ZCWPW1: variants seen among roughly 807,000 people sequenced by gnomAD.
ZCWPW1 encodes the protein zinc finger CW-type PWWP domain protein 1.
A neutral mutation model predicts 81.3 loss-of-function variants in ZCWPW1; 56 were observed. The observed-to-expected ratio is 0.69, with a 90% confidence interval of 0.56 to 0.86. The LOEUF is 0.86. ZCWPW1 is among the 40% of genes least tolerant of loss of function. The pLI is 0.00. For synonymous variants in ZCWPW1, 250 were observed against 273.7 expected, an observed-to-expected ratio of 0.91 and a Z score of 0.86; for missense variants, 650 against 769.8, an observed-to-expected ratio of 0.84 and a Z score of 1.84.
rs751615182 is a variant in ZCWPW1, at chr7:100,401,016, A to C, written c.1948T>G (p.Ter650GluextTer21). 6.2e-7 allele frequency: 1 copy of C among 1,603,836 alleles called. No individual in the cohort carries two copies. Among genetic ancestry groups the C allele is most frequent in the African/African-American group, 1.3e-5 (1 of 74,822 alleles). The change falls in exon 18 of 18, where the codon TAG (stop) becomes GAG (glutamate). Residue 650 changes from the stop codon to glutamate (E), a stop_lost. Transcript: ENST00000684423. ...AAGAGGGAGCAGAGGAGCACCAGCT[A>C]CTTCCCAAACAGCGCCACGGGGAAG... is the stretch of plus-strand genomic sequence containing the variant. ...EDFPVALFGK* is the reference protein window; with the variant it reads ...EDFPVALFGKE
At chr7:100,423,954 C>T (rs1306734840) in intron 2 of ZCWPW1, among the ~76,000 whole-genome samples, 1 of 151,670 alleles carries the variant, frequency 6.6e-6, no homozygotes, top group Non-Finnish European at 1.5e-5. Context: ...CCTGTAATCC[C>T]AGCTACTCAG....
intron 10 of ZCWPW1, 146 bp downstream of exon 10, chr7:100,408,393 G>T: frequency 1.7e-6 from 2 of 1,165,436 alleles, no homozygotes; most frequent in South Asian, 1.5e-5. Context: ...CTCCAGGCTT[G>T]GTACTTTATC....
intron 5 of ZCWPW1, 89 bp from the exon 6 acceptor site, chr7:100,417,272 C>A: frequency 1.0e-6 from 1 of 970,526 alleles, no homozygotes; most frequent in East Asian, 2.6e-5. Flanking sequence ...AGTGTCTTCT[C>A]CCTGTAGCCT....
At chr7:100,405,321 G>A (rs1218540556) in intron 12 of ZCWPW1, among the ~76,000 whole-genome samples, 2 of 151,934 alleles carry the variant, frequency 1.3e-5, no homozygotes, top group African/African-American at 2.4e-5. Flanking sequence ...CCAGCTCCTC[G>A]GGAGGGTGAG....
intron 8 of ZCWPW1, among the ~76,000 whole-genome samples, chr7:100,415,076 T>A (rs1388606369): frequency 7.4e-5 from 4 of 54,346 alleles, no homozygotes; most frequent in Non-Finnish European, 1.2e-4. Flanking sequence ...TCCGTACCCA[T>A]TTTTTTTTTT....
In ZCWPW1 at chr7:100,410,763, G is replaced by A. The variant is rs113132878; in HGVS notation, c.755-1219C>T. On this transcript the variant is annotated intron_variant, in intron 8 of 17. Coordinates refer to ENST00000684423, the MANE Select transcript of ZCWPW1 (RefSeq NM_001386010.1). ...AACATCCTATCTACAAAAATGCCCC[G>A]TCTTCCACCTCACTTGCTCAAAGAC... 3.9e-3 allele frequency among the ~76,000 whole-genome samples: 588 copies of A among 152,186 alleles called. 4 individuals are homozygous for A. Among genetic ancestry groups the A allele is most frequent in the African/African-American group, 0.012 (517 of 41,536 alleles).
At chr7:100,414,485 C>T (rs939640835) in intron 8 of ZCWPW1, among the ~76,000 whole-genome samples, 1 of 151,966 alleles carries the variant, frequency 6.6e-6, no homozygotes, top group Non-Finnish European at 1.5e-5. Flanking sequence ...GCACAATCAT[C>T]GCTCACTGCA....
In ZCWPW1 at chr7:100,417,065, C is replaced by T. The variant is rs772315045; in HGVS notation, c.479+1G>A. 3.1e-6 allele frequency: 5 copies of T among 1,611,220 alleles called. No individual in the cohort carries two copies. Among genetic ancestry groups the T allele is most frequent in the Admixed American group, 1.7e-5 (1 of 59,962 alleles). On this transcript the variant is annotated splice_donor_variant, in intron 6 of 17. Coordinates refer to ENST00000684423, the MANE Select transcript of ZCWPW1 (RefSeq NM_001386010.1). LOFTEE classifies it high-confidence loss of function. The stretch of plus-strand genomic sequence containing the variant: ...AACTTGCCTCACTGAAATAAACTTA[C>T]CCATTAGCATTATCAGTATCAGTAG...
chr7:100,422,211 CCTGT>C (rs1796482847), intron 2 of ZCWPW1, among the ~76,000 whole-genome samples: 3 of 152,256 alleles, frequency 2.0e-5, no homozygotes, highest in South Asian at 2.1e-4. Context: ...AGGATTAGAA[CCTGT>C]CTGATTTCAA....
chr7:100,414,355 T>C (rs1055924283), intron 8 of ZCWPW1, among the ~76,000 whole-genome samples: 2 of 152,216 alleles, frequency 1.3e-5, no homozygotes, highest in South Asian at 4.1e-4. Flanking sequence ...TGTCTTTTTG[T>C]ATTATGTTTT....
intron 7 of ZCWPW1, 97 bp from the exon 8 acceptor site, chr7:100,416,194 A>G: frequency 6.3e-7 from 1 of 1,593,960 alleles, no homozygotes; most frequent in Non-Finnish European, 8.5e-7. Flanking sequence ...ATCACAGCCT[A>G]ATAGTCTCAA....
intron 1 of ZCWPW1, among the ~76,000 whole-genome samples, chr7:100,426,300 C>T (rs1797318140): frequency 6.6e-6 from 1 of 152,080 alleles, no homozygotes; most frequent in Non-Finnish European, 1.5e-5. Flanking sequence ...TCAAGACCAG[C>T]CTGACCAACA....
chr7:100,411,322 G>A lies in ZCWPW1; in HGVS notation c.755-1778C>T, dbSNP rs567336288. ...CGCTCTGTTGCCCAGGCTCAAGTGC[G>A]GTGGCGCAATCTCGGGTCACTGCAG... On this transcript the variant is annotated intron_variant, in intron 8 of 17. Transcript: ENST00000684423. Among the ~76,000 whole-genome samples, 10 of 151,072 alleles carry A rather than the reference G, an allele frequency of 6.6e-5. No homozygotes were observed. The South Asian group carries it at 1.0e-3, about 16-fold the overall frequency.
intron 1 of ZCWPW1, among the ~76,000 whole-genome samples, chr7:100,428,297 CG>C (rs1798120811): frequency 6.6e-6 from 1 of 152,104 alleles, no homozygotes; most frequent in African/African-American, 2.4e-5. Flanking sequence ...CACCCGAGGG[CG>C]GTGCGCTCGC....
chr7:100,417,259 T>A, intron 5 of ZCWPW1, 76 bp from the exon 6 acceptor site: 1 of 1,129,686 alleles, frequency 8.9e-7, no homozygotes, highest in Non-Finnish European at 1.3e-6. Flanking sequence ...ACATTTTCTC[T>A]AAAGTGTCTT....
chr7:100,408,775 A>AG, intron 9 of ZCWPW1, 116 bp from the exon 10 acceptor site: 1 of 1,259,064 alleles, frequency 7.9e-7, no homozygotes. Context: ...GTGGGACCAA[A>AG]GGGGCACCTG....
chr7:100,421,029 A>G (rs949949076), intron 2 of ZCWPW1, among the ~76,000 whole-genome samples: 2 of 152,212 alleles, frequency 1.3e-5, no homozygotes, highest in African/African-American at 4.8e-5. Flanking sequence ...ATGCGCCTGT[A>G]GTCCCAGCTA....
At chr7:100,427,697 T>TAAA (rs549307225) in intron 1 of ZCWPW1, among the ~76,000 whole-genome samples, 2 of 109,950 alleles carry the variant, frequency 1.8e-5, no homozygotes, top group Non-Finnish European at 1.9e-5. Context: ...AGACAGTCTT[T>TAAA]AAAAAAAAAA....
chr7:100,427,221 CCCCCTTCCCTCCCTCCTTCCTTCCT>C (rs1797756465), intron 1 of ZCWPW1, among the ~76,000 whole-genome samples: 1 of 73,572 alleles, frequency 1.4e-5, no homozygotes, highest in Non-Finnish European at 2.7e-5. Flanking sequence ...CTTCCTTCCT[CCCCCTTCCCTCCCTCCTTCCTTCCT>C]CCCCCTTCCC....
Sources: allele counts gnomAD v4.1 joint callset (sites outside exome capture counted in the v4.1 genomes callset), GRCh38; gene constraint gnomAD v4.1.1; transcripts MANE v1.5; gene names NCBI Gene and HGNC (gene_info 2026-07-23, HGNC 2026-07-21).